The following COL23A1 variants were observed in gnomAD, a reference collection of about 807,000 sequenced individuals.
COL23A1 encodes the protein collagen type XXIII alpha 1 chain, also known as collagen alpha-1(XXIII) chain.
A neutral mutation model predicts 99.3 loss-of-function variants in COL23A1; 97 were observed. The observed-to-expected ratio is 0.98, with a 90% CI of 0.83 to 1.16. The LOEUF is 1.16. Among genes scored for constraint, COL23A1 ranks in the 50% most tolerant of loss-of-function variants. COL23A1 has a pLI of 0.00. For missense variants in COL23A1, 762 were observed against 757.4 expected (o/e 1.01, Z -0.07); for synonymous variants, 320 against 308.2 (o/e 1.04, Z -0.40).
chr5:178,464,804 T>G (rs1228070477), intron 2 of COL23A1, among the ~76,000 whole-genome samples: 3 of 151,914 alleles, frequency 2.0e-5, no homozygotes, highest in African/African-American at 7.3e-5. Flanking sequence ...CCGTGAGGCC[T>G]CAGCCTTATA....
chr5:178,262,133 G>T, intron 10 of COL23A1, 84 bp downstream of exon 10: 2 of 1,404,036 alleles, frequency 1.4e-6, no homozygotes, highest in Non-Finnish European at 2.0e-6. Flanking sequence ...TGACCCTGCT[G>T]TCGGCGTGTG....
chr5:178,247,893 G>A lies in COL23A1; in HGVS notation c.1213-62C>T, dbSNP rs550948985. On this transcript the variant is annotated intron_variant, in intron 20 of 28. Coordinates refer to ENST00000390654, the MANE Select transcript of COL23A1 (RefSeq NM_173465.4). The stretch of plus-strand genomic sequence containing the variant: ...CTGTCACCCTCACCTACCCGCACCC[G>A]AGCTCATCGCACACTGCTGGATCGA... The A allele has an allele frequency of 2.2e-4, 307 of 1,421,208 alleles. 2 individuals are homozygous for A. In the African/African-American group the frequency reaches 3.9e-3, roughly 18 times the overall value. 88.0% of individuals were successfully genotyped at this position (1,421,208 alleles called of 1,614,324 possible). A position where few individuals can be genotyped will look rare whatever the true frequency, so the allele number is the denominator to read the frequency against.
At chr5:178,568,737 G>A (rs1762950834) in intron 1 of COL23A1, among the ~76,000 whole-genome samples, 1 of 152,342 alleles carries the variant, frequency 6.6e-6, no homozygotes. Context: ...TGATGTGTTT[G>A]AGACTCATGC....
At chr5:178,326,390 C>T (rs1043935169) in intron 2 of COL23A1, among the ~76,000 whole-genome samples, 1 of 147,938 alleles carries the variant, frequency 6.8e-6, no homozygotes, top group Non-Finnish European at 1.5e-5. Context: ...GAAGTGGATT[C>T]AAAGTTTATT....
chr5:178,509,654 G>A (rs1759090587), intron 2 of COL23A1, among the ~76,000 whole-genome samples: 1 of 152,108 alleles, frequency 6.6e-6, no homozygotes, highest in Non-Finnish European at 1.5e-5. Context: ...CCGCACCACT[G>A]CCAAAACACA....
intron 2 of COL23A1, among the ~76,000 whole-genome samples, chr5:178,382,208 G>A (rs957356623): frequency 2.0e-5 from 3 of 152,128 alleles, no homozygotes; most frequent in Non-Finnish European, 4.4e-5. Context: ...ACACAAGAGT[G>A]GTGGGGGCAC....
chr5:178,322,290 C>T (rs1444407897), intron 2 of COL23A1, among the ~76,000 whole-genome samples: 1 of 152,160 alleles, frequency 6.6e-6, no homozygotes, highest in East Asian at 1.9e-4. Flanking sequence ...CCGCACCTGG[C>T]CCACGCCTAT....
chr5:178,536,713 C>T (rs1562065054), intron 2 of COL23A1, among the ~76,000 whole-genome samples: 2 of 152,176 alleles, frequency 1.3e-5, no homozygotes, highest in South Asian at 4.1e-4. Context: ...CGGCTCGGTC[C>T]CATTCTTGAA....
intron 2 of COL23A1, among the ~76,000 whole-genome samples, chr5:178,336,619 G>A (rs936854495): frequency 1.3e-5 from 2 of 152,150 alleles, no homozygotes. Context: ...TATCCTTTTG[G>A]GTGCTGAAAT....
chr5:178,518,817 C>T (rs1759766065), intron 2 of COL23A1, among the ~76,000 whole-genome samples: 1 of 147,058 alleles, frequency 6.8e-6, no homozygotes, highest in Admixed American at 6.7e-5. Flanking sequence ...TCGGGCCCCG[C>T]GGGGCCCGTC....
chr5:178,495,410 C>G (rs963812606), intron 2 of COL23A1, among the ~76,000 whole-genome samples: 3 of 152,152 alleles, frequency 2.0e-5, no homozygotes, highest in Admixed American at 1.3e-4. Flanking sequence ...TGAGGCCAAT[C>G]GTGAACTTCA....
chr5:178,526,039 C>G (rs546216564), intron 2 of COL23A1, among the ~76,000 whole-genome samples: 1 of 152,210 alleles, frequency 6.6e-6, no homozygotes, highest in Non-Finnish European at 1.5e-5. Flanking sequence ...CCAGCGGAGG[C>G]GAGTGTCCTC....
intron 2 of COL23A1, among the ~76,000 whole-genome samples, chr5:178,533,272 G>A (rs1760750613): frequency 1.3e-5 from 2 of 152,162 alleles, no homozygotes. Flanking sequence ...CATTCACAAT[G>A]TTGTGCAACC....
At chr5:178,445,398 A>C (rs965839585) in intron 2 of COL23A1, among the ~76,000 whole-genome samples, 4 of 152,144 alleles carry the variant, frequency 2.6e-5, no homozygotes, top group African/African-American at 9.7e-5. Context: ...AGATGCCCTA[A>C]GTGTCTCTCC....
chr5:178,540,428 C>A (rs1197501986), intron 2 of COL23A1, among the ~76,000 whole-genome samples: 1 of 152,104 alleles, frequency 6.6e-6, no homozygotes, highest in Non-Finnish European at 1.5e-5. Context: ...AGTTCACACA[C>A]AAAAAATTAA....
chr5:178,473,322 T>C (rs1397664336), intron 2 of COL23A1, among the ~76,000 whole-genome samples: 1 of 151,944 alleles, frequency 6.6e-6, no homozygotes, highest in Non-Finnish European at 1.5e-5. Context: ...GTAGAGACGG[T>C]CTCACTCTGT....
chr5:178,523,191 T>TATATATACAC (rs1760077871), intron 2 of COL23A1, among the ~76,000 whole-genome samples: 5 of 80,838 alleles, frequency 6.2e-5, no homozygotes, highest in Admixed American at 1.7e-4. Context: ...CATATATATA[T>TATATATACAC]ATATATATAT....
intron 1 of COL23A1, among the ~76,000 whole-genome samples, chr5:178,576,853 C>G (rs1189409796): frequency 2.6e-5 from 4 of 151,950 alleles, no homozygotes; most frequent in South Asian, 4.1e-4. Flanking sequence ...CGCCCCTCCC[C>G]CTGCGCGCAC....
chr5:178,253,169 C>T (rs571700406), intron 16 of COL23A1, among the ~76,000 whole-genome samples: 10 of 152,298 alleles, frequency 6.6e-5, no homozygotes, highest in African/African-American at 1.9e-4. Context: ...GGCTACCTGC[C>T]ACCAGGGCCC....
Sources: allele counts gnomAD v4.1 joint callset (sites outside exome capture counted in the v4.1 genomes callset), GRCh38; gene constraint gnomAD v4.1.1; transcripts MANE v1.5; gene names NCBI Gene and HGNC (gene_info 2026-07-23, HGNC 2026-07-21).